ATP11A: variants seen among roughly 807,000 people sequenced by gnomAD.
ATP11A encodes phospholipid-transporting ATPase IH.
ATP11A carries 81 observed loss-of-function variants against 154.4 expected under a neutral mutation model. The ratio of observed to expected loss-of-function variants is 0.52; its 90% CI spans 0.44 to 0.63. The LOEUF is 0.63. Ranked by LOEUF, ATP11A falls within the 30% of genes least tolerant of loss-of-function variation. The pLI, the probability that ATP11A is intolerant of heterozygous loss-of-function variation, is 0.00. For synonymous variants in ATP11A, 623 were observed against 585.9 expected, an observed-to-expected ratio of 1.06 and a Z score of -0.91; for missense variants, 1,316 against 1,474.3, an observed-to-expected ratio of 0.89 and a Z score of 1.76.
At chr13:112,774,370 C>A (rs1259613335) in intron 1 of ATP11A, among the ~76,000 whole-genome samples, 1 of 152,200 alleles carries the variant, frequency 6.6e-6, no homozygotes, top group Non-Finnish European at 1.5e-5. Flanking sequence ...AGGACCATGT[C>A]TTCCTGGGTG....
intron 1 of ATP11A, among the ~76,000 whole-genome samples, chr13:112,736,049 G>A (rs1461789359): frequency 1.3e-5 from 2 of 152,174 alleles, no homozygotes; most frequent in East Asian, 1.9e-4. Flanking sequence ...TTGTGTTCGC[G>A]TGCCCAGAGC....
At chr13:112,774,894 G>C (rs1005227483) in intron 1 of ATP11A, among the ~76,000 whole-genome samples, 5 of 151,294 alleles carry the variant, frequency 3.3e-5, no homozygotes, top group African/African-American at 1.2e-4. Context: ...GTTGGCGTGC[G>C]AGGCTGTGTG....
rs143966930 is a variant in ATP11A, at chr13:112,860,843, A to T, written c.2855+429A>T. Reference sequence around the variant, plus strand: ...TTCTCCCCGTTATTTTTTAAAAATAATATGGAAGAGATATTTTTCTGCTAT... The same window carrying T: ...TTCTCCCCGTTATTTTTTAAAAATATTATGGAAGAGATATTTTTCTGCTAT... On this transcript the variant is annotated intron_variant, in intron 24 of 29. Coordinates refer to ENST00000375645, the MANE Select transcript of ATP11A (RefSeq NM_015205.3). 1,282 of 154,936 alleles carry T rather than the reference A, an allele frequency of 8.3e-3. 20 individuals carry two copies. Among genetic ancestry groups the T allele is most frequent in the African/African-American group, 0.029 (1,200 of 41,660 alleles). The allele number at this position is 154,936 out of a possible 1,614,324, so 9.6% of individuals were successfully genotyped here. A position where few individuals can be genotyped will look rare whatever the true frequency, so the allele number is the denominator to read the frequency against.
chr13:112,854,762 G>C lies in ATP11A; in HGVS notation c.2243+232G>C, dbSNP rs183985219. The stretch of plus-strand genomic sequence containing the variant: ...CACATATGTGTGTGTATGTGTGTAT[G>C]TTCAGTTTCACACTGCCGGCTAACA... On this transcript the variant is annotated intron_variant, in intron 19 of 29. Transcript: ENST00000375645. Among the ~76,000 whole-genome samples the C allele has an allele frequency of 7.2e-5, 11 of 152,354 alleles. No individual in the cohort carries two copies. The East Asian group carries it at 1.3e-3, about 19-fold the overall frequency.
At chr13:112,724,135 C>T (rs1240427286) in intron 1 of ATP11A, among the ~76,000 whole-genome samples, 2 of 130,474 alleles carry the variant, frequency 1.5e-5, no homozygotes, top group East Asian at 2.9e-4. Flanking sequence ...CCCCATCGCC[C>T]CCTTCACCCC....
intron 10 of ATP11A, among the ~76,000 whole-genome samples, chr13:112,824,978 G>A (rs1444508374): frequency 6.6e-6 from 1 of 152,192 alleles, no homozygotes; most frequent in Non-Finnish European, 1.5e-5. Context: ...CTTCCTTTCA[G>A]AGTTATTTAC....
intron 5 of ATP11A, 120 bp downstream of exon 5, chr13:112,810,846 G>A: frequency 2.4e-6 from 2 of 833,328 alleles, no homozygotes; most frequent in East Asian, 2.7e-5. Flanking sequence ...TGAGGCAGGA[G>A]GATCGCTGAG....
intron 2 of ATP11A, among the ~76,000 whole-genome samples, chr13:112,803,928 TCTCTGCC>T (rs2078227112): frequency 2.3e-5 from 1 of 42,858 alleles, no homozygotes. Flanking sequence ...CCCCATCCCC[TCTCTGCC>T]CTCCTTCCCC....
At chr13:112,787,685 G>A (rs2077685084) in intron 2 of ATP11A, among the ~76,000 whole-genome samples, 2 of 147,916 alleles carry the variant, frequency 1.4e-5, no homozygotes, top group African/African-American at 2.5e-5. Flanking sequence ...TTCACACCGG[G>A]TGTCCTGATG....
chr13:112,691,969 T>C (rs1021875002), intron 1 of ATP11A, among the ~76,000 whole-genome samples: 3 of 152,230 alleles, frequency 2.0e-5, no homozygotes, highest in Non-Finnish European at 4.4e-5. Context: ...AAGGCTTGGC[T>C]CCAGGAGCCT....
At chr13:112,810,036 G>A (rs1360290974) in intron 4 of ATP11A, among the ~76,000 whole-genome samples, 3 of 152,226 alleles carry the variant, frequency 2.0e-5, no homozygotes, top group South Asian at 2.1e-4. Context: ...TTACTCAGAT[G>A]CGGAAACGCA....
intron 1 of ATP11A, among the ~76,000 whole-genome samples, chr13:112,777,973 G>T (rs778696926): frequency 3.3e-5 from 5 of 152,236 alleles, no homozygotes; most frequent in Non-Finnish European, 7.3e-5. Flanking sequence ...CCCCGAAGAA[G>T]GCACAGCCCA....
chr13:112,699,698 C>G (rs1451369328), intron 1 of ATP11A, among the ~76,000 whole-genome samples: 2 of 152,226 alleles, frequency 1.3e-5, no homozygotes, highest in African/African-American at 2.4e-5. Flanking sequence ...GGAGGCCGAG[C>G]CTGCCAGCAC....
rs5806957 is a variant in ATP11A at position 112,700,044 on chromosome 13, A to ATTT, written c.39+9603_39+9605dup. Among the ~76,000 whole-genome samples, 491 of 139,858 alleles carry ATTT rather than the reference A, an allele frequency of 3.5e-3. 7 individuals are homozygous for ATTT. Among genetic ancestry groups the ATTT allele is most frequent in the African/African-American group, 0.012 (454 of 37,342 alleles). The allele number at this position is 139,858 out of a possible 152,430, so 91.8% of individuals were successfully genotyped here. A position where few individuals can be genotyped will look rare whatever the true frequency, so the allele number is the denominator to read the frequency against. ...TGTCACATCTCATGTGACAAAGGTA[A>ATTT]TTTTTTTTTTTTTTTTGGCTTGGAA... On this transcript the variant is annotated intron_variant, in intron 1 of 29. Coordinates refer to ENST00000375645, the MANE Select transcript of ATP11A (RefSeq NM_015205.3).
chr13:112,773,044 G>A (rs2077262772), intron 1 of ATP11A, among the ~76,000 whole-genome samples: 2 of 152,242 alleles, frequency 1.3e-5, no homozygotes, highest in South Asian at 4.1e-4. Flanking sequence ...CTGGTCCATG[G>A]TGATCTCTGT....
intron 3 of ATP11A, among the ~76,000 whole-genome samples, chr13:112,805,372 C>G (rs981473399): frequency 2.0e-5 from 3 of 152,210 alleles, no homozygotes; most frequent in Admixed American, 2.0e-4. Flanking sequence ...ACTTAATTTA[C>G]TCTTCCTAAG....
rs976953830 is a variant in ATP11A, at chr13:112,807,329, C to T, written c.333+1036C>T. 2.6e-5 allele frequency among the ~76,000 whole-genome samples: 4 copies of T among 152,214 alleles called. No individual in the cohort carries two copies. The highest frequency in any genetic ancestry group is 4.8e-5 in the African/African-American group (2 of 41,460). On this transcript the variant is annotated intron_variant, in intron 4 of 29. Coordinates refer to ENST00000375645, the MANE Select transcript of ATP11A (RefSeq NM_015205.3). This position sits in a 1 kb window ranked among gnomAD's most constrained non-coding sequence, Gnocchi z 4.5. ...GTGTCTTCACTAGGCCAGAGCCGGC[C>T]GTGCCTACCGGGATACGTGAACTAG...
In ATP11A at chr13:112,776,610, T is replaced by A. The variant is rs117791514; in HGVS notation, c.40-8525T>A. Reference sequence around the variant, plus strand: ...TAAATTCTATTTTATTTATTTATTTTTTTGAGACAGAGTCTCAATCTGTCG... The same window carrying A: ...TAAATTCTATTTTATTTATTTATTTATTTGAGACAGAGTCTCAATCTGTCG... On this transcript the variant is annotated intron_variant, in intron 1 of 29. Transcript: ENST00000375645. Among the ~76,000 whole-genome samples, 89 of 152,318 alleles carry A rather than the reference T, an allele frequency of 5.8e-4. No individual in the cohort carries two copies. The East Asian group carries it at 0.017, about 29-fold the overall frequency.
intron 1 of ATP11A, among the ~76,000 whole-genome samples, chr13:112,751,518 G>T (rs763538545): frequency 3.9e-5 from 6 of 152,038 alleles, no homozygotes; most frequent in Non-Finnish European, 8.8e-5. Context: ...AAATTAGCCG[G>T]ATGTGGTGAC....
Sources: gnomAD v4.1 joint callset for allele counts (sites outside exome capture counted in the v4.1 genomes callset) on GRCh38, gnomAD v4.1.1 for gene constraint, Gnocchi (gnomAD v3.1) non-coding constraint, MANE v1.5 for transcripts, NCBI Gene and HGNC (gene_info 2026-07-23, HGNC 2026-07-21) for gene names.